ARVCF: variants seen among roughly 807,000 people sequenced by gnomAD.
The protein encoded by ARVCF is ARVCF delta catenin family member.
ARVCF carries 66 observed loss-of-function variants against 90.9 expected under a neutral mutation model. The ratio of observed to expected loss-of-function variants is 0.73; its 90% CI spans 0.60 to 0.89. The LOEUF (loss-of-function observed/expected upper bound fraction) is 0.89. ARVCF is among the 40% of genes least tolerant of loss of function. The pLI is 0.00. For missense variants in ARVCF, 1,469 were observed against 1,382.3 expected, an observed-to-expected ratio of 1.06 and a Z score of -1.00; for synonymous variants, 653 against 603.4, an observed-to-expected ratio of 1.08 and a Z score of -1.21.
chr22:19,980,847 C>T (rs565816586), intron 5 of ARVCF: 16 of 247,878 alleles, frequency 6.5e-5, no homozygotes, highest in African/African-American at 3.1e-4. Context: ...AAATCCTGAC[C>T]CGGGCTGTGG....
At chr22:19,967,076 C>A, downstream of ARVCF, 1 of 1,225,622 alleles carries the variant, frequency 8.2e-7, no homozygotes. Context: ...TGACCAGTTT[C>A]GTAAAGGAGT....
At chr22:19,981,153 G>A in intron 5 of ARVCF, 58 bp downstream of exon 5, 2 of 1,459,948 alleles carry the variant, frequency 1.4e-6, no homozygotes, top group South Asian at 1.4e-5. Context: ...TCTGTAGTTG[G>A]GGGGTGGAGG....
intron 10 of ARVCF, 94 bp downstream of exon 10, chr22:19,976,612 G>T: frequency 7.5e-6 from 11 of 1,473,878 alleles, no homozygotes; most frequent in Non-Finnish European, 1.0e-5. Context: ...GAAGCCAGGG[G>T]TGGGGCAGGG....
Position 19,977,523 on chromosome 22 carries a change from C to G in ARVCF, c.1762G>C (p.Gly588Arg). The change falls in exon 9 of 20, where the codon GGG becomes CGG. Residue 588 changes from glycine to arginine, a missense_variant. Transcript: ENST00000263207. ...TCGGCCTCCTGGTACCTGTCGGCCC[C>G]GGGCACCTCCTTGTGCACGTGGTAG... ...LSYHVHKEVPGADRYQEAEPG... is the reference protein window; with the variant it reads ...LSYHVHKEVPRADRYQEAEPG... 6.3e-7 allele frequency: 1 copy of G among 1,597,328 alleles called. No individual in the cohort carries two copies.
Position 19,971,246 on chromosome 22 carries a change from G to C in ARVCF, c.2871C>G (p.Pro957=). Residue 957 remains proline (P), a synonymous_variant, in exon 19 of 20, where the codon CCC becomes CCG. Coordinates refer to ENST00000263207, the MANE Select transcript of ARVCF (RefSeq NM_001670.3). ...ATGCAAGCTAGACCCAGGAATCAAC[G>C]GGCTGAGGCTTAGCGTCCCCTACGG... The part of the protein sequence containing the change: ...VDAVGDAKPQ[P]VDSWV 1 of 1,555,382 alleles carries C rather than the reference G, an allele frequency of 6.4e-7. No homozygotes were observed. The highest frequency in any genetic ancestry group is 1.4e-5 in the African/African-American group (1 of 73,540).
At chr22:19,998,665 G>A (rs1196319542) in intron 2 of ARVCF, among the ~76,000 whole-genome samples, 1 of 152,184 alleles carries the variant, frequency 6.6e-6, no homozygotes, top group African/African-American at 2.4e-5. Context: ...GCTTAGATAA[G>A]TGGAAAACAG....
At chr22:19,993,073 G>A (rs1944089107) in intron 2 of ARVCF, among the ~76,000 whole-genome samples, 1 of 152,238 alleles carries the variant, frequency 6.6e-6, no homozygotes, top group African/African-American at 2.4e-5. Flanking sequence ...TGGCAGCCAT[G>A]CTCAGGAGAG....
At chr22:19,970,815 G>C in intron 19 of ARVCF, 72 bp from the exon 20 acceptor site, 3 of 1,293,808 alleles carry the variant, frequency 2.3e-6, no homozygotes, top group Non-Finnish European at 3.0e-6. Context: ...CCTCAGGGCA[G>C]GGCAGCCAAC....
rs1207037199 is a variant in ARVCF at position 19,971,212 on chromosome 22, G to C, written c.*12+4C>G. 6 of 1,552,170 alleles carry C rather than the reference G, an allele frequency of 3.9e-6. No homozygotes were observed. The South Asian group carries it at 7.1e-5, about 18-fold the overall frequency. On this transcript the variant is annotated splice_donor_region_variant and intron_variant, in intron 19 of 19. Transcript: ENST00000263207. ...TGGACGAACAACCAGATGAGAGAAC[G>C]TACCAGGCATGCAAGCTAGACCCAG...
At position 19,982,657 on chromosome 22, in the gene ARVCF, A is replaced by G. The variant is rs920340281; in HGVS notation, c.211-566T>C. Among the ~76,000 whole-genome samples, 4 of 152,294 alleles carry G rather than the reference A, an allele frequency of 2.6e-5. 1 individual carries two copies. The highest frequency in any genetic ancestry group is 9.6e-5 in the African/African-American group (4 of 41,580). On this transcript the variant is annotated intron_variant, in intron 3 of 19. Transcript: ENST00000263207. ...CACTAAGGTTCCCGCCACCAACGCC[A>G]GCCAGACGCCCTCAAGGGACAGAAA...
rs373214051 is a variant in ARVCF at position 19,977,412 on chromosome 22, C to T, written c.1870+3G>A. On this transcript the variant is annotated splice_donor_region_variant and intron_variant, in intron 9 of 19. Coordinates refer to ENST00000263207, the MANE Select transcript of ARVCF (RefSeq NM_001670.3). The stretch of plus-strand genomic sequence containing the variant: ...AGATGATACCCCAGTCCGCCCCACC[C>T]ACCTTTGGCCTTCTTGCCTCCAAAG... 2.2e-5 allele frequency: 34 copies of T among 1,514,484 alleles called. No homozygotes were observed. The African/African-American group carries it at 3.4e-4, about 15-fold the overall frequency. The allele number at this position is 1,514,484 out of a possible 1,614,324, so 93.8% of individuals were successfully genotyped here. A position where few individuals can be genotyped will look rare whatever the true frequency, so the allele number is the denominator to read the frequency against.
intron 5 of ARVCF, chr22:19,980,955 T>A: frequency 2.1e-6 from 1 of 468,912 alleles, no homozygotes; most frequent in Non-Finnish European, 3.7e-6. Flanking sequence ...TTACCCAGAG[T>A]GTGGCTGGAG....
intron 2 of ARVCF, among the ~76,000 whole-genome samples, chr22:20,008,891 G>A (rs1040898409): frequency 6.6e-6 from 1 of 152,176 alleles, no homozygotes; most frequent in Admixed American, 6.5e-5. Flanking sequence ...CACAGAGAGG[G>A]CCACAGAGAA....
At chr22:20,010,680 C>T (rs1423018731) in intron 1 of ARVCF, among the ~76,000 whole-genome samples, 172 bp from the exon 2 acceptor site, 2 of 152,202 alleles carry the variant, frequency 1.3e-5, no homozygotes, top group Admixed American at 6.5e-5. Flanking sequence ...TACCTTCTTG[C>T]CCCCACATGT....
chr22:19,980,941 C>T, intron 5 of ARVCF: 1 of 456,454 alleles, frequency 2.2e-6, no homozygotes, highest in Non-Finnish European at 3.8e-6. Context: ...GCTCTGGGTT[C>T]TGGTTACCCA....
chr22:19,977,518 G>A lies in ARVCF; in HGVS notation c.1767C>T (p.Ala589=), dbSNP rs372090565. 3 of 1,596,976 alleles carry A rather than the reference G, an allele frequency of 1.9e-6. No homozygotes were observed. The highest frequency in any genetic ancestry group is 1.7e-5 in the Admixed American group (1 of 57,816). ...SYHVHKEVPG[A]DRYQEAEPGP... is the part of the protein sequence containing the mutation. ...CGGGCTCGGCCTCCTGGTACCTGTC[G>A]GCCCCGGGCACCTCCTTGTGCACGT... The change falls in exon 9 of 20, where the codon GCC becomes GCT. Residue 589 remains alanine (A), a synonymous_variant. Transcript: ENST00000263207.
intron 1 of ARVCF, among the ~76,000 whole-genome samples, chr22:20,012,175 A>G (rs191025625): frequency 5.5e-4 from 83 of 151,078 alleles, no homozygotes; most frequent in African/African-American, 1.8e-3. Flanking sequence ...CAGGCCAAGA[A>G]CCTGCAACCA....
chr22:19,981,131 C>T (rs966627529), intron 5 of ARVCF, 80 bp downstream of exon 5: 3 of 1,438,310 alleles, frequency 2.1e-6, no homozygotes, highest in African/African-American at 1.4e-5. Flanking sequence ...CGCCACTTGA[C>T]AAGTGGGGCA....
chr22:19,980,661 T>C (rs900838252), intron 5 of ARVCF: 10 of 198,322 alleles, frequency 5.0e-5, no homozygotes, highest in Non-Finnish European at 8.1e-5. Context: ...GGGGAGTAAA[T>C]GGCCCTCTCC....
Sources: gnomAD v4.1 joint callset for allele counts (sites outside exome capture counted in the v4.1 genomes callset) on GRCh38, gnomAD v4.1.1 for gene constraint, MANE v1.5 for transcripts, NCBI Gene and HGNC (gene_info 2026-07-23, HGNC 2026-07-21) for gene names.